TLN2: variants seen among roughly 807,000 people sequenced by gnomAD.
TLN2 encodes talin 2.
A neutral mutation model predicts 294.7 loss-of-function variants in TLN2; 118 were observed. The observed-to-expected ratio is 0.40, with a 90% confidence interval of 0.34 to 0.47. TLN2 has a LOEUF of 0.47. Among genes scored for constraint, TLN2 ranks in the 20% least tolerant of loss-of-function variants. The pLI, the probability that TLN2 is intolerant of heterozygous loss-of-function variation, is 0.84. For missense variants in TLN2, 3,083 were observed against 3,282.2 expected (o/e 0.94, Z 1.48); for synonymous variants, 1,431 against 1,304.5 (o/e 1.10, Z -2.09).
intron 1 of TLN2, among the ~76,000 whole-genome samples, chr15:62,578,002 G>A (rs2044579234): frequency 6.6e-6 from 1 of 152,148 alleles, no homozygotes; most frequent in Non-Finnish European, 1.5e-5. Flanking sequence ...CTTCATCCAT[G>A]TCCCTATAAA....
intron 33 of TLN2, 151 bp downstream of exon 33, chr15:62,748,595 C>G: frequency 1.5e-6 from 1 of 655,516 alleles, no homozygotes; most frequent in Non-Finnish European, 2.6e-6. Context: ...TCCTTGGAGG[C>G]TGTTAAGGCC....
chr15:62,531,941 G>A lies in TLN2; in HGVS notation c.-237-57746G>A, dbSNP rs541156422. On this transcript the variant is annotated intron_variant, in intron 1 of 58. Transcript: ENST00000636159. ...TTGGGAATCATTGTCTTGTTGTTAC[G>A]TGTGGGTGTCCCCCAAGTGGTGTGA... is the stretch of plus-strand genomic sequence containing the variant. Among the ~76,000 whole-genome samples the A allele has an allele frequency of 5.3e-4, 80 of 152,302 alleles. 1 individual carries two copies. Among genetic ancestry groups the A allele is most frequent in the African/African-American group, 1.3e-3 (56 of 41,570 alleles).
At chr15:62,701,041 G>A in intron 16 of TLN2, 65 bp from the exon 17 acceptor site, 2 of 1,362,434 alleles carry the variant, frequency 1.5e-6, no homozygotes, top group Non-Finnish European at 1.0e-6. Context: ...TTTATGGCGG[G>A]GCTTCTCCGG....
intron 9 of TLN2, among the ~76,000 whole-genome samples, chr15:62,658,844 G>A (rs2053519533): frequency 6.6e-6 from 1 of 152,114 alleles, no homozygotes; most frequent in Non-Finnish European, 1.5e-5. Flanking sequence ...TGGCCCCTCA[G>A]ATACAACTGA....
chr15:62,773,142 G>A (rs572171024), intron 42 of TLN2, among the ~76,000 whole-genome samples: 120 of 151,442 alleles, frequency 7.9e-4, no homozygotes, highest in Non-Finnish European at 1.5e-3. Context: ...TCAGAGATGG[G>A]GTCTCGCCAT....
chr15:62,614,933 G>A (rs2048193656), intron 2 of TLN2, among the ~76,000 whole-genome samples: 1 of 152,092 alleles, frequency 6.6e-6, no homozygotes, highest in Non-Finnish European at 1.5e-5. Context: ...AGCCTCCCGA[G>A]TTGCTGGGAA....
chr15:62,604,684 TCTTCG>T (rs2047281095), intron 2 of TLN2, among the ~76,000 whole-genome samples: 1 of 141,672 alleles, frequency 7.1e-6, no homozygotes, highest in Non-Finnish European at 1.5e-5. Context: ...GGATTTCTTC[TCTTCG>T]TCTTCTTTTT....
chr15:62,448,722 T>A (rs1417344242), intron 1 of TLN2, among the ~76,000 whole-genome samples: 1 of 152,216 alleles, frequency 6.6e-6, no homozygotes, highest in African/African-American at 2.4e-5. Context: ...GGAATAGTAA[T>A]TCACAGAGCG....
intron 1 of TLN2, among the ~76,000 whole-genome samples, chr15:62,450,658 T>A (rs2036081734): frequency 6.6e-6 from 1 of 151,960 alleles, no homozygotes; most frequent in Non-Finnish European, 1.5e-5. Context: ...CACTGCAACT[T>A]TCACCTCTTG....
At chr15:62,403,547 T>A (rs902059384) in intron 1 of TLN2, among the ~76,000 whole-genome samples, 1 of 152,228 alleles carries the variant, frequency 6.6e-6, no homozygotes, top group Admixed American at 6.5e-5. Flanking sequence ...ACCACACTTA[T>A]TAAGGTAGTG....
intron 1 of TLN2, among the ~76,000 whole-genome samples, chr15:62,541,425 G>A (rs1371684919): frequency 2.0e-5 from 3 of 152,170 alleles, no homozygotes; most frequent in African/African-American, 7.2e-5. Flanking sequence ...TTTGCCTTGT[G>A]GATTTTGGAC....
At chr15:62,598,893 G>C (rs573299502) in intron 2 of TLN2, among the ~76,000 whole-genome samples, 5 of 152,240 alleles carry the variant, frequency 3.3e-5, no homozygotes, top group African/African-American at 7.2e-5. Flanking sequence ...CCCGTGCACA[G>C]TGTTGGTGTC....
rs1273385359 is a variant in TLN2 at position 62,547,289 on chromosome 15, A to G, written c.-237-42398A>G. 2.0e-5 allele frequency among the ~76,000 whole-genome samples: 3 copies of G among 152,260 alleles called. No homozygotes were observed. The East Asian group carries it at 5.8e-4, about 29-fold the overall frequency. On this transcript the variant is annotated intron_variant, in intron 1 of 58. Coordinates refer to ENST00000636159, the MANE Select transcript of TLN2 (RefSeq NM_015059.3). ...CAAAATCCTTGTGCAGATAAGGGAC[A>G]TGTCATGCCACACATACAAAAGGAT...
chr15:62,541,167 G>A (rs1019329464), intron 1 of TLN2, among the ~76,000 whole-genome samples: 10 of 152,256 alleles, frequency 6.6e-5, no homozygotes, highest in African/African-American at 2.2e-4. Context: ...TGTGTTAGGG[G>A]TATGAGGTTT....
At chr15:62,417,827 G>T (rs2034173554) in intron 1 of TLN2, among the ~76,000 whole-genome samples, 1 of 152,180 alleles carries the variant, frequency 6.6e-6, no homozygotes, top group Non-Finnish European at 1.5e-5. Context: ...TAAAAGCTAG[G>T]CTTGTCAGGC....
intron 14 of TLN2, 60 bp from the exon 15 acceptor site, chr15:62,697,628 T>A: frequency 6.6e-6 from 10 of 1,522,578 alleles, no homozygotes; most frequent in Non-Finnish European, 8.0e-6. Flanking sequence ...CTGTGGGGTC[T>A]CCTCATTGCA....
intron 1 of TLN2, among the ~76,000 whole-genome samples, chr15:62,399,393 A>ACACAGAGT (rs2032846880): frequency 6.7e-6 from 1 of 150,194 alleles, no homozygotes; most frequent in South Asian, 2.1e-4. Flanking sequence ...CGGAACCCCC[A>ACACAGAGT]CACAGAGTCC....
intron 1 of TLN2, among the ~76,000 whole-genome samples, chr15:62,481,714 T>TA (rs1312793260): frequency 6.6e-6 from 1 of 151,998 alleles, no homozygotes; most frequent in African/African-American, 2.4e-5. Context: ...ATAATGCATT[T>TA]AAAAAACTAA....
At chr15:62,522,885 G>C (rs949094220) in intron 1 of TLN2, among the ~76,000 whole-genome samples, 3 of 151,786 alleles carry the variant, frequency 2.0e-5, no homozygotes, top group Non-Finnish European at 4.4e-5. Flanking sequence ...GTGAGAGAAT[G>C]TTACAGAGGA....
Sources: gnomAD v4.1 joint callset for allele counts (sites outside exome capture counted in the v4.1 genomes callset) on GRCh38, gnomAD v4.1.1 for gene constraint, MANE v1.5 for transcripts, NCBI Gene and HGNC (gene_info 2026-07-23, HGNC 2026-07-21) for gene names.